DCDC2C: variants seen among roughly 807,000 people sequenced by gnomAD.
The protein encoded by DCDC2C is doublecortin domain-containing protein 2C.
In DCDC2C, 44 loss-of-function variants were observed where a neutral mutation model predicts 45.0. That is an observed-to-expected ratio of 0.98 (90% CI 0.77 to 1.26). The LOEUF (loss-of-function observed/expected upper bound fraction) is 1.26, where lower values mean the gene tolerates loss of function less well. DCDC2C is among the 50% of genes most tolerant of loss of function. The probability of loss-of-function intolerance (pLI) is 0.00; values close to 1 mark genes in which losing one functional copy is unlikely to be tolerated. For synonymous variants in DCDC2C, 187 were observed against 178.8 expected (o/e 1.05, Z -0.37); for missense variants, 447 against 468.9 (o/e 0.95, Z 0.43).
intron 9 of DCDC2C, among the ~76,000 whole-genome samples, chr2:3,779,745 C>A (rs910674686): frequency 6.6e-6 from 1 of 151,490 alleles, no homozygotes; most frequent in Non-Finnish European, 1.5e-5. Flanking sequence ...TGTAAACAGG[C>A]GGGGACACTC....
intron 2 of DCDC2C, among the ~76,000 whole-genome samples, chr2:3,726,575 T>TG (rs1300358259): frequency 6.6e-6 from 1 of 152,146 alleles, no homozygotes; most frequent in African/African-American, 2.4e-5. Flanking sequence ...GTTGGAGTCT[T>TG]GTAATGAAAT....
chr2:3,799,971 C>T (rs1400830198), intron 10 of DCDC2C, among the ~76,000 whole-genome samples: 3 of 152,348 alleles, frequency 2.0e-5, no homozygotes, highest in African/African-American at 7.2e-5. Flanking sequence ...CCCAGCCTCG[C>T]TGCTGCCTTG....
chr2:3,834,098 C>A (rs538371672), intron 10 of DCDC2C, among the ~76,000 whole-genome samples: 7 of 151,374 alleles, frequency 4.6e-5, no homozygotes, highest in South Asian at 2.1e-4. Context: ...TCCTGCCCCC[C>A]CTACCTCCAT....
intron 6 of DCDC2C, among the ~76,000 whole-genome samples, chr2:3,760,793 C>T (rs1346225742): frequency 1.3e-5 from 2 of 151,520 alleles, no homozygotes; most frequent in African/African-American, 2.4e-5. Flanking sequence ...CATGTATACC[C>T]ATGTAACAAA....
chr2:3,780,477 A>T (rs1433504614), intron 9 of DCDC2C, among the ~76,000 whole-genome samples: 2 of 152,214 alleles, frequency 1.3e-5, no homozygotes, highest in Non-Finnish European at 2.9e-5. Context: ...TTAATTTCTT[A>T]GAGTGAATCA....
chr2:3,747,170 G>A (rs1000012832), intron 4 of DCDC2C, among the ~76,000 whole-genome samples: 1 of 152,212 alleles, frequency 6.6e-6, no homozygotes, highest in Admixed American at 6.5e-5. Context: ...ACACACATGT[G>A]TGTTCCCGTG....
chr2:3,707,037 A>C (rs937483981), intron 1 of DCDC2C, among the ~76,000 whole-genome samples: 1 of 152,142 alleles, frequency 6.6e-6, no homozygotes, highest in African/African-American at 2.4e-5. Flanking sequence ...GTTCTCTGGA[A>C]GTAGCCGGGA....
At chr2:3,755,297 G>A (rs560672265) in intron 6 of DCDC2C, among the ~76,000 whole-genome samples, 6 of 150,248 alleles carry the variant, frequency 4.0e-5, no homozygotes, top group Non-Finnish European at 8.9e-5. Flanking sequence ...GGATGCATGT[G>A]TGTGCATATG....
chr2:3,705,805 G>T (rs1572544662), intron 1 of DCDC2C, among the ~76,000 whole-genome samples: 1 of 139,934 alleles, frequency 7.1e-6, no homozygotes, highest in Non-Finnish European at 1.6e-5. Context: ...AAATTGAGAT[G>T]TTTTTCTTCC....
chr2:3,713,219 A>AT (rs1443116170), intron 2 of DCDC2C, among the ~76,000 whole-genome samples: 2 of 152,124 alleles, frequency 1.3e-5, no homozygotes, highest in African/African-American at 2.4e-5. Flanking sequence ...CATCGTAGGA[A>AT]TTTTTTCTGA....
chr2:3,752,850 C>A lies in DCDC2C; in HGVS notation c.633C>A (p.Phe211Leu), dbSNP rs1336091179. 1 of 1,550,526 alleles carries A rather than the reference C, an allele frequency of 6.4e-7. No individual in the cohort carries two copies. The highest frequency in any genetic ancestry group is 8.7e-7 in the Non-Finnish European group (1 of 1,146,954). ...ATGTTGCTGTGGGACTGGAGACCTTCAAATATTTTCCTTACTGGAAGTCTC... is the reference window on the plus strand; with the variant it reads ...ATGTTGCTGTGGGACTGGAGACCTTAAAATATTTTCCTTACTGGAAGTCTC... Reference protein sequence around the residue: ...HFYVAVGLETFKYFPYWKSPR... With the variant: ...HFYVAVGLETLKYFPYWKSPR... Residue 211 changes from phenylalanine to leucine, a missense_variant, in exon 5 of 11, where the codon TTC becomes TTA. Physicochemically the swap from Phe to Leu is conservative, Grantham distance 22. Coordinates refer to ENST00000399143, the MANE Select transcript of DCDC2C (RefSeq NM_001287444.2).
At chr2:3,840,632 A>G (rs1347371505) in intron 10 of DCDC2C, among the ~76,000 whole-genome samples, 2 of 152,176 alleles carry the variant, frequency 1.3e-5, no homozygotes, top group Non-Finnish European at 2.9e-5. Flanking sequence ...TTAAAATACC[A>G]TGGTTTTACA....
chr2:3,788,770 T>C (rs200411654), intron 10 of DCDC2C, among the ~76,000 whole-genome samples: 25,497 of 141,060 alleles, frequency 0.18, 2,347 homozygotes, highest in African/African-American at 0.21. Flanking sequence ...TTTCTTCCTT[T>C]CTTCCGTTTC....
At chr2:3,753,483 G>A (rs557672956) in intron 5 of DCDC2C, among the ~76,000 whole-genome samples, 1 of 152,174 alleles carries the variant, frequency 6.6e-6, no homozygotes, top group East Asian at 1.9e-4. Flanking sequence ...TAGCCCTGAC[G>A]GGTGTGTTTG....
At position 3,703,778 on chromosome 2, in the gene DCDC2C, G is replaced by A. The variant is rs1667939812; in HGVS notation, c.27G>A (p.Pro9=). Residue 9 remains proline, a synonymous_variant, in exon 1 of 11, where the codon CCG becomes CCA. Transcript: ENST00000399143. The surrounding 1 kb of genome is among the most constrained non-coding windows in gnomAD (Gnocchi z 4.4). Reference sequence around the variant, plus strand: ...TGGGAACCCGCGGGCCCTCCGCGCCGGTGGACACCACGCCCGCCAAGACCA... The same window carrying A: ...TGGGAACCCGCGGGCCCTCCGCGCCAGTGGACACCACGCCCGCCAAGACCA... MGTRGPSA[P]VDTTPAKTIV... is the part of the protein sequence containing the mutation. 3 of 1,236,600 alleles carry A rather than the reference G, an allele frequency of 2.4e-6. No individual in the cohort carries two copies. The highest frequency in any genetic ancestry group is 1.6e-5 in the African/African-American group (1 of 64,454). The allele number at this position is 1,236,600 out of a possible 1,614,324, so 76.6% of individuals were successfully genotyped here. A position where few individuals can be genotyped will look rare whatever the true frequency, so the allele number is the denominator to read the frequency against.
At chr2:3,832,746 G>A (rs376822984) in intron 10 of DCDC2C, among the ~76,000 whole-genome samples, 24 of 152,312 alleles carry the variant, frequency 1.6e-4, no homozygotes, top group African/African-American at 5.8e-4. Flanking sequence ...CCCCAGCACT[G>A]AGCGCAGGGC....
At chr2:3,721,346 A>C (rs944930622) in intron 2 of DCDC2C, among the ~76,000 whole-genome samples, 1 of 152,106 alleles carries the variant, frequency 6.6e-6, no homozygotes, top group Non-Finnish European at 1.5e-5. Context: ...TTTTCTGTGA[A>C]TTCATCCTGC....
rs1174649950 is a variant in DCDC2C at position 3,847,647 on chromosome 2, G to GA, written c.*471dup. On this transcript the variant is annotated 3_prime_UTR_variant, in exon 11 of 11. Transcript: ENST00000399143. ...TGAATAACTAGTTCAAAGTGAAAAGGAAAAAAATCCAGGGTTCGCTGGTGA... is the reference window on the plus strand; with the variant it reads ...TGAATAACTAGTTCAAAGTGAAAAGGAAAAAAAATCCAGGGTTCGCTGGTGA... 3.3e-5 allele frequency among the ~76,000 whole-genome samples: 5 copies of GA among 152,230 alleles called. No individual in the cohort carries two copies. The highest frequency in any genetic ancestry group is 3.9e-4 in the East Asian group (2 of 5,186).
chr2:3,804,085 C>T (rs1454241), intron 10 of DCDC2C, among the ~76,000 whole-genome samples: 99,628 of 152,092 alleles, frequency 0.66, 33,100 homozygotes, highest in East Asian at 0.91. Context: ...TATTCATTAT[C>T]CCCTCAGTAT....
Sources: gnomAD v4.1 joint callset for allele counts (sites outside exome capture counted in the v4.1 genomes callset) on GRCh38, gnomAD v4.1.1 for gene constraint, Gnocchi (gnomAD v3.1) non-coding constraint, MANE v1.5 for transcripts, NCBI Gene and HGNC (gene_info 2026-07-23, HGNC 2026-07-21) for gene names.